Variants in PID1 observed in about 807,000 individuals in gnomAD.
PID1 encodes the protein PTB-containing, cubilin and LRP1-interacting protein.
In PID1, 10 loss-of-function variants were observed where a neutral mutation model predicts 19.1. The ratio of observed to expected loss-of-function variants is 0.52; its 90% CI spans 0.32 to 0.89. The LOEUF (loss-of-function observed/expected upper bound fraction) is 0.89. PID1 is among the 40% of genes least tolerant of loss of function. PID1 has a pLI of 0.03. For synonymous variants in PID1, 130 were observed against 116.0 expected, an observed-to-expected ratio of 1.12 and a Z score of -0.78; for missense variants, 248 against 285.3, an observed-to-expected ratio of 0.87 and a Z score of 0.94.
At chr2:229,210,843 G>C (rs1280168663) in intron 1 of PID1, among the ~76,000 whole-genome samples, 1 of 152,154 alleles carries the variant, frequency 6.6e-6, no homozygotes, top group Non-Finnish European at 1.5e-5. Context: ...AAAGCTTAGG[G>C]AAAGCTTGGT....
At position 229,025,057 on chromosome 2, in the gene PID1, CTG is replaced by C. The variant is rs566733277; in HGVS notation, c.*573_*574del. The C allele has an allele frequency of 6.6e-3, 1,014 of 154,480 alleles. 11 individuals are homozygous for C. The highest frequency in any genetic ancestry group is 8.2e-3 in the Non-Finnish European group (568 of 69,312). The allele number at this position is 154,480 out of a possible 1,614,324, so 9.6% of individuals were successfully genotyped here. A position where few individuals can be genotyped will look rare whatever the true frequency, so the allele number is the denominator to read the frequency against. Reference sequence around the variant, plus strand: ...ATGTAAATAAAAGCATTATCTGTAACTGTGAATTAACTGCCAACTATCAGGTT... The same window carrying C: ...ATGTAAATAAAAGCATTATCTGTAACTGAATTAACTGCCAACTATCAGGTT... On this transcript the variant is annotated 3_prime_UTR_variant, in exon 3 of 3. Coordinates refer to ENST00000392055, the MANE Select transcript of PID1 (RefSeq NM_001100818.2).
intron 1 of PID1, among the ~76,000 whole-genome samples, chr2:229,212,769 A>G (rs1691765516): frequency 6.6e-6 from 1 of 152,130 alleles, no homozygotes; most frequent in Admixed American, 6.5e-5. Context: ...CATGTGAGAA[A>G]ATTGAGGATT....
chr2:229,105,084 AT>A, intron 2 of PID1, among the ~76,000 whole-genome samples: 1 of 152,330 alleles, frequency 6.6e-6, no homozygotes, highest in African/African-American at 2.4e-5. Context: ...TGAAACAAAG[AT>A]TTTTTATCAT....
Position 229,077,756 on chromosome 2 carries a change from G to C in PID1, c.178-51648C>G, listed in dbSNP as rs555778595. On this transcript the variant is annotated intron_variant, in intron 2 of 2. Coordinates refer to ENST00000392055, the MANE Select transcript of PID1 (RefSeq NM_001100818.2). ...TCCATTGGTCTATATACCCGTTTTG[G>C]TACCAGTACCATGCCATTTTGGTTA... 5.3e-5 allele frequency among the ~76,000 whole-genome samples: 8 copies of C among 152,228 alleles called. No individual in the cohort carries two copies. In the East Asian group the frequency reaches 1.5e-3, roughly 29 times the overall value.
At chr2:229,128,045 C>T (rs969850800) in intron 2 of PID1, among the ~76,000 whole-genome samples, 8 of 152,118 alleles carry the variant, frequency 5.3e-5, no homozygotes, top group African/African-American at 1.9e-4. Flanking sequence ...GATGGCAGGG[C>T]TGTGTGTGTC....
intron 1 of PID1, among the ~76,000 whole-genome samples, chr2:229,224,363 G>A (rs1559292616): frequency 6.6e-6 from 1 of 152,070 alleles, no homozygotes; most frequent in South Asian, 2.1e-4. Context: ...CTCTTTCTGA[G>A]CCCCTACACT....
chr2:229,070,092 G>C (rs1694422209), intron 2 of PID1, among the ~76,000 whole-genome samples: 1 of 152,184 alleles, frequency 6.6e-6, no homozygotes, highest in South Asian at 2.1e-4. Flanking sequence ...CAGTTTGATA[G>C]GATTTGCTGG....
chr2:229,092,464 C>A (rs1694895313), intron 2 of PID1, among the ~76,000 whole-genome samples: 1 of 152,118 alleles, frequency 6.6e-6, no homozygotes, highest in South Asian at 2.1e-4. Flanking sequence ...GAAAAGAGAG[C>A]CGCTATGGTG....
chr2:229,158,939 G>C (rs572542852), intron 1 of PID1, among the ~76,000 whole-genome samples: 31 of 152,112 alleles, frequency 2.0e-4, no homozygotes, highest in East Asian at 1.2e-3. Context: ...TGAAGGGTAG[G>C]GGGGAGCTGT....
At chr2:229,124,160 T>A (rs1358252504) in intron 2 of PID1, among the ~76,000 whole-genome samples, 1 of 152,196 alleles carries the variant, frequency 6.6e-6, no homozygotes. Flanking sequence ...TCAGGCATCA[T>A]GCTGAGTTAA....
At chr2:229,157,429 T>C (rs1457133916) in intron 1 of PID1, among the ~76,000 whole-genome samples, 1 of 110,756 alleles carries the variant, frequency 9.0e-6, no homozygotes, top group Non-Finnish European at 1.8e-5. Context: ...AGATTCCATC[T>C]CAAAAAAAAA....
At chr2:229,105,619 T>C (rs1695161238) in intron 2 of PID1, among the ~76,000 whole-genome samples, 1 of 152,212 alleles carries the variant, frequency 6.6e-6, no homozygotes, top group Non-Finnish European at 1.5e-5. Context: ...GTACAGTACC[T>C]AGCAGAATGC....
chr2:229,174,427 A>G (rs1690772193), intron 1 of PID1, among the ~76,000 whole-genome samples: 1 of 152,224 alleles, frequency 6.6e-6, no homozygotes, highest in Non-Finnish European at 1.5e-5. Context: ...ATTACATGAA[A>G]TGGTTGTAAA....
At chr2:229,084,412 C>G (rs1694725495) in intron 2 of PID1, among the ~76,000 whole-genome samples, 1 of 152,146 alleles carries the variant, frequency 6.6e-6, no homozygotes, top group Non-Finnish European at 1.5e-5. Context: ...AAAGTCTTTT[C>G]TTTCTAACTG....
intron 2 of PID1, among the ~76,000 whole-genome samples, chr2:229,130,967 T>A (rs1324757235): frequency 2.0e-5 from 3 of 152,184 alleles, no homozygotes; most frequent in African/African-American, 7.2e-5. Flanking sequence ...GCATTCTCCC[T>A]GGGTGCACGC....
chr2:229,233,769 G>T (rs1325544950), intron 1 of PID1, among the ~76,000 whole-genome samples: 3 of 152,198 alleles, frequency 2.0e-5, no homozygotes, highest in African/African-American at 7.2e-5. Flanking sequence ...TGGGATTACA[G>T]GTGTGAGCCA....
chr2:229,262,495 G>A (rs1559307740), intron 1 of PID1, among the ~76,000 whole-genome samples: 1 of 152,120 alleles, frequency 6.6e-6, no homozygotes, highest in East Asian at 1.9e-4. Flanking sequence ...ATTAAAAAAA[G>A]GATTCCTTAT....
chr2:229,039,129 G>T (rs1693719172), intron 2 of PID1, among the ~76,000 whole-genome samples: 1 of 152,202 alleles, frequency 6.6e-6, no homozygotes, highest in African/African-American at 2.4e-5. Flanking sequence ...GACTGAGGGT[G>T]CTGTACTGAC....
chr2:229,250,357 G>A (rs1690117614), intron 1 of PID1, among the ~76,000 whole-genome samples: 1 of 152,106 alleles, frequency 6.6e-6, no homozygotes, highest in African/African-American at 2.4e-5. Context: ...TGGACAAAAT[G>A]CTTTTATTTA....
Sources: allele counts gnomAD v4.1 joint callset (sites outside exome capture counted in the v4.1 genomes callset), GRCh38; gene constraint gnomAD v4.1.1; transcripts MANE v1.5; gene names NCBI Gene and HGNC (gene_info 2026-07-23, HGNC 2026-07-21).